Variants in FGD5 observed in about 807,000 individuals in gnomAD.
FGD5 encodes the protein FYVE, RhoGEF and PH domain-containing protein 5.
Under a neutral mutation model 133.4 loss-of-function variants are expected in FGD5, and 28 were observed. The ratio of observed to expected loss-of-function variants is 0.21; its 90% confidence interval spans 0.16 to 0.29. The LOEUF (loss-of-function observed/expected upper bound fraction) is 0.29, where lower values mean the gene tolerates loss of function less well. FGD5 is among the 10% of genes least tolerant of loss of function. The pLI, the probability that FGD5 is intolerant of heterozygous loss-of-function variation, is 1.00. For missense variants in FGD5, 1,858 were observed against 1,895.2 expected (o/e 0.98, Z 0.36); for synonymous variants, 810 against 776.5 (o/e 1.04, Z -0.72).
chr3:14,912,883 A>G (rs2038478013), intron 11 of FGD5, among the ~76,000 whole-genome samples: 2 of 152,148 alleles, frequency 1.3e-5, no homozygotes, highest in South Asian at 4.1e-4. Context: ...AAAAATACAA[A>G]AAATGAGCCA....
chr3:14,883,981 G>C (rs918175589), intron 4 of FGD5, among the ~76,000 whole-genome samples: 2 of 152,196 alleles, frequency 1.3e-5, no homozygotes, highest in African/African-American at 2.4e-5. Context: ...TGGTATGTTT[G>C]GAGAATGACA....
intron 4 of FGD5, chr3:14,897,143 A>G (rs966291311): frequency 9.1e-6 from 2 of 220,868 alleles, no homozygotes; most frequent in Non-Finnish European, 1.7e-5. Context: ...AAAGATGAAT[A>G]ATGAGAAAGC....
chr3:14,882,018 G>A (rs1277759951), intron 4 of FGD5, among the ~76,000 whole-genome samples: 1 of 152,158 alleles, frequency 6.6e-6, no homozygotes, highest in African/African-American at 2.4e-5. Flanking sequence ...ACCCCAGGAG[G>A]GCGGATAGAG....
At chr3:14,878,420 AT>A (rs887810131) in intron 2 of FGD5, among the ~76,000 whole-genome samples, 1 of 151,598 alleles carries the variant, frequency 6.6e-6, no homozygotes, top group African/African-American at 2.4e-5. Context: ...GATTCTATAA[AT>A]TTTTTTTTCT....
At position 14,819,837 on chromosome 3, in the gene FGD5, A is replaced by G. The variant is rs759267412; in HGVS notation, c.766A>G (p.Lys256Glu). The change falls in exon 1 of 20, where the codon AAG becomes GAG. Residue 256 changes from lysine (K) to glutamate (E), a missense_variant. Physicochemically the swap from Lys to Glu is moderately conservative, Grantham distance 56. This residue lies in a region of FGD5 where 1,824 missense variants were observed against 1,848.9 expected (regional missense o/e 0.99). Transcript: ENST00000285046. This position sits in a 1 kb window ranked among gnomAD's most constrained non-coding sequence, Gnocchi z 4.1. ...GGACACCAGTGAGGAGCCCCCTGAG[A>G]AGGAGGAGCTGGCCGGGGTCCAGGA... ...AEDTSEEPPE[K>E]EELAGVQEAE... 3.9e-5 allele frequency: 62 copies of G among 1,607,796 alleles called. No individual in the cohort carries two copies. The highest frequency in any genetic ancestry group is 5.0e-5 in the Non-Finnish European group (59 of 1,177,230).
At chr3:14,912,508 C>T (rs529084759) in intron 11 of FGD5, among the ~76,000 whole-genome samples, 1 of 152,282 alleles carries the variant, frequency 6.6e-6, no homozygotes, top group African/African-American at 2.4e-5. Context: ...TTCAAAGCCC[C>T]CACAGATGCC....
intron 11 of FGD5, among the ~76,000 whole-genome samples, chr3:14,915,686 T>G (rs2038540259): frequency 6.6e-6 from 1 of 152,134 alleles, no homozygotes; most frequent in East Asian, 1.9e-4. Flanking sequence ...TCACCCTAGT[T>G]CATGTTGGCA....
At chr3:14,867,568 A>G (rs1225656044) in intron 2 of FGD5, among the ~76,000 whole-genome samples, 1 of 152,126 alleles carries the variant, frequency 6.6e-6, no homozygotes, top group African/African-American at 2.4e-5. Context: ...ACAGTCCCCC[A>G]AGAGGCTGTG....
chr3:14,838,821 G>T (rs2036865058), intron 1 of FGD5, among the ~76,000 whole-genome samples: 1 of 152,314 alleles, frequency 6.6e-6, no homozygotes, highest in African/African-American at 2.4e-5. Flanking sequence ...AGATGACATT[G>T]CTGGGGCCTC....
chr3:14,912,203 G>T (rs1244398010), intron 11 of FGD5, among the ~76,000 whole-genome samples: 1 of 152,194 alleles, frequency 6.6e-6, no homozygotes, highest in Non-Finnish European at 1.5e-5. Context: ...GAGAAATCCT[G>T]AGCCTGGGCA....
At chr3:14,848,926 A>C (rs2037105789) in intron 1 of FGD5, among the ~76,000 whole-genome samples, 1 of 152,106 alleles carries the variant, frequency 6.6e-6, no homozygotes, top group Admixed American at 6.5e-5. Context: ...CAGCAGAATC[A>C]CATGCAGCCC....
intron 9 of FGD5, among the ~76,000 whole-genome samples, chr3:14,906,934 T>A (rs1201309168): frequency 6.6e-6 from 1 of 152,222 alleles, no homozygotes. Context: ...TTGTACTTCC[T>A]ACATCTTAAA....
intron 1 of FGD5, among the ~76,000 whole-genome samples, chr3:14,843,686 C>CTTT (rs71919787): frequency 0.013 from 633 of 48,158 alleles, 9 homozygotes; most frequent in African/African-American, 0.042. Context: ...CCCCAGGGTG[C>CTTT]TTTTTTTTTT....
Position 14,820,994 on chromosome 3 carries a change from C to A in FGD5, c.1923C>A (p.Asp641Glu), listed in dbSNP as rs562418955. Residue 641 changes from aspartate (D) to glutamate (E), a missense_variant, in exon 1 of 20, where the codon GAC becomes GAA. By Grantham distance (45) the Asp-to-Glu change is conservative (BLOSUM62 2). Around this residue, in one of 3 missense-constraint regions of FGD5, gnomAD observed 1,824 missense variants for 1,848.9 expected, o/e 0.99. Coordinates refer to ENST00000285046, the MANE Select transcript of FGD5 (RefSeq NM_152536.4). ...KSSPSLLIES[D>E]SPDKYKKKKS... Reference sequence around the variant, plus strand: ...CTCCCTCACTCCTGATCGAGAGCGACTCCCCGGACAAGTACAAGAAGAAGA... The same window carrying A: ...CTCCCTCACTCCTGATCGAGAGCGAATCCCCGGACAAGTACAAGAAGAAGA... 6.2e-7 allele frequency: 1 copy of A among 1,613,938 alleles called. No individual in the cohort carries two copies. Among genetic ancestry groups the A allele is most frequent in the Admixed American group, 1.7e-5 (1 of 60,026 alleles).
chr3:14,856,766 C>T (rs1406010737), intron 1 of FGD5, among the ~76,000 whole-genome samples: 1 of 152,054 alleles, frequency 6.6e-6, no homozygotes, highest in Non-Finnish European at 1.5e-5. Context: ...AGTTTATCAG[C>T]TCTAAGAGGT....
chr3:14,879,749 C>T (rs1002388188), intron 2 of FGD5, among the ~76,000 whole-genome samples: 6 of 152,146 alleles, frequency 3.9e-5, no homozygotes, highest in East Asian at 1.9e-4. Flanking sequence ...TAGCCCAGCC[C>T]GTTGAGCAGG....
intron 1 of FGD5, among the ~76,000 whole-genome samples, chr3:14,827,189 G>A (rs927287371): frequency 6.6e-6 from 1 of 151,868 alleles, no homozygotes; most frequent in East Asian, 1.9e-4. Flanking sequence ...GCCAAACCAA[G>A]GTCAGAACCC....
intron 1 of FGD5, among the ~76,000 whole-genome samples, chr3:14,845,520 A>C (rs2037033988): frequency 6.6e-6 from 1 of 152,222 alleles, no homozygotes; most frequent in Non-Finnish European, 1.5e-5. Flanking sequence ...GTACTCTGAA[A>C]CGTTAAGAAG....
At chr3:14,899,741 C>G (rs529496088) in intron 7 of FGD5, among the ~76,000 whole-genome samples, 1 of 152,206 alleles carries the variant, frequency 6.6e-6, no homozygotes, top group Non-Finnish European at 1.5e-5. Context: ...AAGATAATGT[C>G]TGTTAAGAAC....
Sources: gnomAD v4.1 joint callset for allele counts (sites outside exome capture counted in the v4.1 genomes callset) on GRCh38, gnomAD v4.1.1 for gene constraint, gnomAD v4.1.1 regional missense constraint, Gnocchi (gnomAD v3.1) non-coding constraint, MANE v1.5 for transcripts, NCBI Gene and HGNC (gene_info 2026-07-23, HGNC 2026-07-21) for gene names.